The following CNTN3 variants were observed in gnomAD, a reference collection of about 807,000 sequenced individuals.
CNTN3 encodes the protein contactin 3.
In CNTN3, 60 loss-of-function variants were observed where a neutral mutation model predicts 119.1. The observed-to-expected ratio is 0.50, with a 90% CI of 0.41 to 0.62. The LOEUF (loss-of-function observed/expected upper bound fraction) is 0.62. Ranked by LOEUF, CNTN3 falls within the 20% of genes least tolerant of loss-of-function variation. CNTN3 has a pLI of 0.00. For synonymous variants in CNTN3, 450 were observed against 438.7 expected, an observed-to-expected ratio of 1.03 and a Z score of -0.32; for missense variants, 1,101 against 1,242.4, an observed-to-expected ratio of 0.89 and a Z score of 1.71.
At chr3:74,526,591 C>T (rs1703622656) in intron 1 of CNTN3, among the ~76,000 whole-genome samples, 1 of 151,862 alleles carries the variant, frequency 6.6e-6, no homozygotes, top group Non-Finnish European at 1.5e-5. Flanking sequence ...TACATGAACT[C>T]TGGGCTCCAA....
intron 20 of CNTN3, 93 bp downstream of exon 20, chr3:74,285,212 G>A: frequency 2.3e-6 from 3 of 1,316,402 alleles, no homozygotes; most frequent in East Asian, 2.4e-5. Context: ...TGAGATTAAT[G>A]ACTTGGGTTG....
intron 4 of CNTN3, among the ~76,000 whole-genome samples, chr3:74,442,180 GA>G (rs67776041): frequency 0.22 from 29,847 of 136,084 alleles, 2,995 homozygotes; most frequent in Admixed American, 0.29. Context: ...CACACACAGA[GA>G]GAGAGAGATT....
intron 1 of CNTN3, among the ~76,000 whole-genome samples, chr3:74,560,364 A>G (rs1456774664): frequency 6.6e-6 from 1 of 152,230 alleles, no homozygotes; most frequent in African/African-American, 2.4e-5. Flanking sequence ...CACAGATGAC[A>G]GCTGGCTATT....
At chr3:74,437,545 TAAC>T (rs995019898) in intron 4 of CNTN3, among the ~76,000 whole-genome samples, 5 of 152,262 alleles carry the variant, frequency 3.3e-5, no homozygotes, top group Admixed American at 2.6e-4. Context: ...GAAAAACACA[TAAC>T]AACAACAAAA....
chr3:74,479,086 G>A (rs987211068), intron 4 of CNTN3, among the ~76,000 whole-genome samples: 2 of 152,056 alleles, frequency 1.3e-5, no homozygotes, highest in Non-Finnish European at 2.9e-5. Context: ...CTGTCTGGGG[G>A]AGGGAGGAAG....
chr3:74,412,618 C>A (rs1445568290), intron 5 of CNTN3, among the ~76,000 whole-genome samples: 1 of 152,072 alleles, frequency 6.6e-6, no homozygotes, highest in Admixed American at 6.6e-5. Context: ...AAAGAATATC[C>A]TTAAAGGAGG....
At chr3:74,469,492 C>A (rs573211931) in intron 4 of CNTN3, among the ~76,000 whole-genome samples, 73 of 152,222 alleles carry the variant, frequency 4.8e-4, no homozygotes, top group Non-Finnish European at 9.1e-4. Context: ...AGAATTCCAA[C>A]AACTCAATAA....
intron 8 of CNTN3, among the ~76,000 whole-genome samples, chr3:74,366,852 T>C (rs1704207610): frequency 1.4e-5 from 2 of 139,758 alleles, no homozygotes; most frequent in Admixed American, 7.4e-5. Flanking sequence ...ATCACTTCTC[T>C]CTATATTAAA....
intron 11 of CNTN3, among the ~76,000 whole-genome samples, chr3:74,342,668 A>G (rs1185262995): frequency 6.6e-6 from 1 of 152,230 alleles, no homozygotes; most frequent in African/African-American, 2.4e-5. Flanking sequence ...CACTTCTATA[A>G]AATGTTGCTA....
intron 20 of CNTN3, among the ~76,000 whole-genome samples, chr3:74,273,654 A>G (rs1701825213): frequency 6.6e-6 from 1 of 152,176 alleles, no homozygotes; most frequent in African/African-American, 2.4e-5. Flanking sequence ...GCAGCGGGAA[A>G]GGCCCTGTGA....
At chr3:74,473,792 C>A (rs537340570) in intron 4 of CNTN3, among the ~76,000 whole-genome samples, 1 of 152,162 alleles carries the variant, frequency 6.6e-6, no homozygotes, top group South Asian at 2.1e-4. Context: ...ACTGTACAGA[C>A]CCGGGGGAAG....
intron 11 of CNTN3, among the ~76,000 whole-genome samples, chr3:74,356,423 A>C (rs2106759601): frequency 6.6e-6 from 1 of 152,038 alleles, no homozygotes; most frequent in South Asian, 2.1e-4. Flanking sequence ...TGCAGACATC[A>C]CCTTCTCTAG....
intron 17 of CNTN3, among the ~76,000 whole-genome samples, chr3:74,298,958 G>C (rs1458810272): frequency 6.6e-6 from 1 of 151,476 alleles, no homozygotes; most frequent in African/African-American, 2.4e-5. Context: ...TGTAACTCTA[G>C]CACTTTGGGA....
chr3:74,319,923 A>C (rs970029506), intron 13 of CNTN3, among the ~76,000 whole-genome samples: 29 of 152,198 alleles, frequency 1.9e-4, no homozygotes, highest in African/African-American at 7.0e-4. Flanking sequence ...AAAAATGCTC[A>C]CCATCACTGG....
chr3:74,316,821 G>A (rs985958570), intron 13 of CNTN3, among the ~76,000 whole-genome samples: 6 of 151,998 alleles, frequency 3.9e-5, no homozygotes, highest in East Asian at 1.9e-4. Flanking sequence ...CCAGCTACTC[G>A]GGAGGCTGAG....
At chr3:74,424,613 G>A (rs1469372848) in intron 5 of CNTN3, among the ~76,000 whole-genome samples, 1 of 152,170 alleles carries the variant, frequency 6.6e-6, no homozygotes, top group East Asian at 1.9e-4. Context: ...TGAAGCAAAT[G>A]TGATCTCTCT....
chr3:74,426,748 A>G (rs1000667292), intron 4 of CNTN3, among the ~76,000 whole-genome samples: 1 of 152,210 alleles, frequency 6.6e-6, no homozygotes, highest in African/African-American at 2.4e-5. Flanking sequence ...TTCTCAAAAC[A>G]TTAAGTCTCT....
At chr3:74,595,941 C>A (rs1704800617) in intron 1 of CNTN3, among the ~76,000 whole-genome samples, 2 of 151,870 alleles carry the variant, frequency 1.3e-5, no homozygotes, top group African/African-American at 4.8e-5. Context: ...CTAGAAAACC[C>A]CATTGTCTCA....
intron 18 of CNTN3, among the ~76,000 whole-genome samples, chr3:74,297,140 ACT>A (rs1702355041): frequency 6.6e-6 from 1 of 151,884 alleles, no homozygotes; most frequent in African/African-American, 2.4e-5. Context: ...GCTGCTCCTG[ACT>A]CTTCATCCAG....
Sources: gnomAD v4.1 joint callset for allele counts (sites outside exome capture counted in the v4.1 genomes callset) on GRCh38, gnomAD v4.1.1 for gene constraint, MANE v1.5 for transcripts, NCBI Gene and HGNC (gene_info 2026-07-23, HGNC 2026-07-21) for gene names.